RORB: variants seen among roughly 807,000 people sequenced by gnomAD.
RORB encodes RAR related orphan receptor B, also known as nuclear receptor ROR-beta.
A neutral mutation model predicts 59.1 loss-of-function variants in RORB; 6 were observed. The observed-to-expected ratio is 0.10, with a 90% CI of 0.06 to 0.20. The LOEUF is 0.20. RORB is among the 10% of genes least tolerant of loss of function. The probability of loss-of-function intolerance (pLI) is 1.00; values close to 1 mark genes in which losing one functional copy is unlikely to be tolerated. For synonymous variants in RORB, 215 were observed against 204.5 expected (o/e 1.05, Z -0.44); for missense variants, 320 against 560.5 (o/e 0.57, Z 4.33).
chr9:74,505,633 A>G (rs972082076), intron 1 of RORB, among the ~76,000 whole-genome samples: 1 of 152,044 alleles, frequency 6.6e-6, no homozygotes, highest in Admixed American at 6.6e-5. Context: ...CTCAAAGGGG[A>G]AGTGATGTTT....
At chr9:74,529,676 C>T (rs1229667538) in intron 1 of RORB, among the ~76,000 whole-genome samples, 2 of 151,754 alleles carry the variant, frequency 1.3e-5, no homozygotes, top group African/African-American at 4.8e-5. Context: ...GTGACTAGTA[C>T]ATAACAAGCA....
At chr9:74,619,493 C>T (rs1823372765) in intron 1 of RORB, among the ~76,000 whole-genome samples, 1 of 152,146 alleles carries the variant, frequency 6.6e-6, no homozygotes. Context: ...ACTCTGTCGC[C>T]CAGGCTGGAG....
chr9:74,618,775 TG>T (rs34823256), intron 1 of RORB, among the ~76,000 whole-genome samples: 7,720 of 152,096 alleles, frequency 0.051, 328 homozygotes, highest in East Asian at 0.18. Flanking sequence ...GTGTATATTG[TG>T]GGGGGTGGAA....
chr9:74,591,962 G>C (rs937187069), intron 1 of RORB, among the ~76,000 whole-genome samples: 1 of 151,938 alleles, frequency 6.6e-6, no homozygotes, highest in African/African-American at 2.4e-5. Context: ...GAGAGACAGA[G>C]AGAGAGAGAG....
intron 1 of RORB, among the ~76,000 whole-genome samples, chr9:74,587,605 G>A (rs908847800): frequency 3.9e-5 from 6 of 152,132 alleles, no homozygotes; most frequent in Non-Finnish European, 5.9e-5. Context: ...AGCTAGGGAC[G>A]GATGATCCAG....
At chr9:74,581,620 A>C (rs1587368922) in intron 1 of RORB, among the ~76,000 whole-genome samples, 1 of 152,276 alleles carries the variant, frequency 6.6e-6, no homozygotes, top group East Asian at 1.9e-4. Flanking sequence ...ATTAGCCATA[A>C]AATGTGAGCC....
At chr9:74,662,778 T>G (rs12345616) in intron 6 of RORB, among the ~76,000 whole-genome samples, 172 bp downstream of exon 6, 9,424 of 152,236 alleles carry the variant, frequency 0.062, 899 homozygotes, top group African/African-American at 0.21. Flanking sequence ...TGATACTCAT[T>G]CAGTTCCCCT....
chr9:74,569,219 A>G (rs1324034823), intron 1 of RORB, among the ~76,000 whole-genome samples: 2 of 152,202 alleles, frequency 1.3e-5, no homozygotes, highest in East Asian at 1.9e-4. Flanking sequence ...AATTAATACA[A>G]TGGTATATCT....
intron 1 of RORB, among the ~76,000 whole-genome samples, chr9:74,557,723 C>G (rs779008707): frequency 4.6e-5 from 7 of 152,024 alleles, no homozygotes; most frequent in Non-Finnish European, 1.0e-4. Context: ...TTTATAATAT[C>G]CCTCGCAACT....
chr9:74,550,949 CA>C (rs1826598257), intron 1 of RORB, among the ~76,000 whole-genome samples: 1 of 152,046 alleles, frequency 6.6e-6, no homozygotes, highest in Admixed American at 6.6e-5. Flanking sequence ...ATTGCTTGCA[CA>C]TAAAAATAAT....
intron 1 of RORB, among the ~76,000 whole-genome samples, chr9:74,569,103 T>C (rs946064343): frequency 3.3e-5 from 5 of 152,090 alleles, no homozygotes; most frequent in African/African-American, 4.8e-5. Flanking sequence ...AATAACCATA[T>C]ATGAATGTAT....
chr9:74,507,204 C>G (rs757914268), intron 1 of RORB, among the ~76,000 whole-genome samples: 7 of 152,134 alleles, frequency 4.6e-5, no homozygotes, highest in Non-Finnish European at 1.0e-4. Flanking sequence ...GGAGAACAGT[C>G]GTTTTACTTG....
At chr9:74,567,805 T>C (rs548705904) in intron 1 of RORB, among the ~76,000 whole-genome samples, 1 of 152,310 alleles carries the variant, frequency 6.6e-6, no homozygotes, top group Admixed American at 6.5e-5. Flanking sequence ...AGTGGTTCCT[T>C]TCATTCGAAG....
At chr9:74,570,973 A>ATAAT (rs1396252113) in intron 1 of RORB, among the ~76,000 whole-genome samples, 1 of 151,080 alleles carries the variant, frequency 6.6e-6, no homozygotes, top group South Asian at 2.1e-4. Flanking sequence ...AATAAATAAT[A>ATAAT]TAATTAATTA....
chr9:74,503,257 T>C (rs1392404105), intron 1 of RORB, among the ~76,000 whole-genome samples: 1 of 152,054 alleles, frequency 6.6e-6, no homozygotes, highest in Non-Finnish European at 1.5e-5. Context: ...TACAGCTTTT[T>C]GCAAATATTT....
At chr9:74,652,566 T>C (rs1394736767) in intron 4 of RORB, among the ~76,000 whole-genome samples, 2 of 152,186 alleles carry the variant, frequency 1.3e-5, no homozygotes, top group Non-Finnish European at 2.9e-5. Context: ...TTGAATTGTG[T>C]TTTATTATAT....
chr9:74,512,165 G>C (rs774830944), intron 1 of RORB, among the ~76,000 whole-genome samples: 3 of 152,104 alleles, frequency 2.0e-5, no homozygotes, highest in Non-Finnish European at 2.9e-5. Context: ...TACTCATATA[G>C]AAAAATTAGT....
At chr9:74,504,822 T>A (rs1225634630) in intron 1 of RORB, among the ~76,000 whole-genome samples, 1 of 152,060 alleles carries the variant, frequency 6.6e-6, no homozygotes, top group African/African-American at 2.4e-5. Context: ...TGTTACATAG[T>A]TTACCTTATA....
intron 6 of RORB, among the ~76,000 whole-genome samples, chr9:74,665,120 A>G (rs766785350): frequency 1.6e-4 from 24 of 152,230 alleles, no homozygotes; most frequent in Non-Finnish European, 2.2e-4. Flanking sequence ...GGAAAAATAG[A>G]GAAAAATGTA....
Sources: allele counts gnomAD v4.1 joint callset (sites outside exome capture counted in the v4.1 genomes callset), GRCh38; gene constraint gnomAD v4.1.1; transcripts MANE v1.5; gene names NCBI Gene and HGNC (gene_info 2026-07-23, HGNC 2026-07-21).